The following ARSJ variants were observed in gnomAD, a reference collection of about 807,000 sequenced individuals.
ARSJ encodes arylsulfatase J.
ARSJ carries 26 observed loss-of-function variants against 35.9 expected under a neutral mutation model. That is an observed-to-expected ratio of 0.72 (90% CI 0.53 to 1.00). The LOEUF is 1.00. ARSJ is among the 50% of genes least tolerant of loss of function. ARSJ has a pLI of 0.00. For missense variants in ARSJ, 667 were observed against 723.6 expected (o/e 0.92, Z 0.90); for synonymous variants, 294 against 267.6 (o/e 1.10, Z -0.96).
chr4:113,907,795 G>A (rs1038256983), intron 1 of ARSJ, among the ~76,000 whole-genome samples: 3 of 152,108 alleles, frequency 2.0e-5, no homozygotes, highest in African/African-American at 7.2e-5. Flanking sequence ...CAGTAATATG[G>A]ATGCAGCTGG....
intron 1 of ARSJ, among the ~76,000 whole-genome samples, chr4:113,972,314 AAAAAC>A: frequency 6.7e-6 from 1 of 149,544 alleles, no homozygotes; most frequent in Non-Finnish European, 1.5e-5. Context: ...AAACAAAAAA[AAAAAC>A]CCCACCATGA....
rs2099667070 is a variant in ARSJ at position 113,901,593 on chromosome 4, A to T, written c.*681T>A. 1 of 152,632 alleles carries T rather than the reference A, an allele frequency of 6.6e-6. No individual in the cohort carries two copies. The highest frequency in any genetic ancestry group is 2.4e-5 in the African/African-American group (1 of 41,464). 9.5% of individuals were successfully genotyped at this position (152,632 alleles called of 1,614,324 possible). ...AGTAAAGTGTTTAGAAAATAGTTAC[A>T]TTCATTGTGGGCAGTGTGCTCAAAC... On this transcript the variant is annotated 3_prime_UTR_variant, in exon 2 of 2. Transcript: ENST00000315366.
At chr4:113,943,796 T>C (rs1725308117) in intron 1 of ARSJ, among the ~76,000 whole-genome samples, 1 of 151,896 alleles carries the variant, frequency 6.6e-6, no homozygotes, top group Non-Finnish European at 1.5e-5. Context: ...ATAAGGATCC[T>C]GAGCTGGGAA....
At chr4:113,969,742 A>G (rs1346197404) in intron 1 of ARSJ, among the ~76,000 whole-genome samples, 2 of 152,200 alleles carry the variant, frequency 1.3e-5, no homozygotes, top group African/African-American at 4.8e-5. Flanking sequence ...ATTATATGCT[A>G]TTTCTTCTCA....
At chr4:113,969,756 A>C (rs530432084) in intron 1 of ARSJ, among the ~76,000 whole-genome samples, 14 of 152,332 alleles carry the variant, frequency 9.2e-5, no homozygotes, top group African/African-American at 3.4e-4. Context: ...CTTCTCAATC[A>C]CATTGCCTGC....
chr4:113,938,489 C>A lies in ARSJ; in HGVS notation c.399-34814G>T, dbSNP rs555990407. ...AGGACATAGGCATGGGCAAAGATTT[C>A]ATGATGAAAACATCAAAAACAATTG... On this transcript the variant is annotated intron_variant, in intron 1 of 1. Transcript: ENST00000315366. Among the ~76,000 whole-genome samples, 78 of 152,110 alleles carry A rather than the reference C, an allele frequency of 5.1e-4. 1 individual carries two copies. The highest frequency in any genetic ancestry group is 1.6e-3 in the African/African-American group (65 of 41,536).
At chr4:113,972,088 C>T (rs1477329656) in intron 1 of ARSJ, among the ~76,000 whole-genome samples, 1 of 151,992 alleles carries the variant, frequency 6.6e-6, no homozygotes, top group Non-Finnish European at 1.5e-5. Context: ...CTGGAAGACA[C>T]GTTCCCCTGC....
chr4:113,946,283 T>C (rs1316117439), intron 1 of ARSJ: 1 of 152,064 alleles, frequency 6.6e-6, no homozygotes, highest in East Asian at 1.9e-4. Flanking sequence ...AAATCCTAAA[T>C]GTAGCCCCCA....
chr4:113,915,719 C>T (rs552863413), intron 1 of ARSJ, among the ~76,000 whole-genome samples: 1 of 152,326 alleles, frequency 6.6e-6, no homozygotes, highest in South Asian at 2.1e-4. Flanking sequence ...TCTCCCCACT[C>T]TACCTCTGGA....
intron 1 of ARSJ, chr4:113,943,619 A>G (rs539958932): frequency 1.8e-4 from 28 of 152,166 alleles, no homozygotes; most frequent in African/African-American, 6.7e-4. Context: ...CTATGGGAAA[A>G]AGCAAAATAA....
intron 1 of ARSJ, among the ~76,000 whole-genome samples, chr4:113,914,158 C>T (rs1022762748): frequency 6.6e-6 from 1 of 151,776 alleles, no homozygotes; most frequent in Non-Finnish European, 1.5e-5. Context: ...ATTTTTATTA[C>T]AGACCGGGTT....
At position 113,916,632 on chromosome 4, in the gene ARSJ, C is replaced by T. The variant is rs200301422; in HGVS notation, c.399-12957G>A. ...AAATCAGAACGAAACCAAAGCAAAA[C>T]ATGATACCATTGCTTGGGTCTCATG... On this transcript the variant is annotated intron_variant, in intron 1 of 1. Coordinates refer to ENST00000315366, the MANE Select transcript of ARSJ (RefSeq NM_024590.4). Among the ~76,000 whole-genome samples the T allele has an allele frequency of 3.9e-5, 6 of 152,192 alleles. No homozygotes were observed. The East Asian group carries it at 9.6e-4, about 24-fold the overall frequency.
chr4:113,935,020 C>A (rs888255941), intron 1 of ARSJ, among the ~76,000 whole-genome samples: 3 of 151,702 alleles, frequency 2.0e-5, no homozygotes, highest in African/African-American at 7.3e-5. Flanking sequence ...CCGATTTAGC[C>A]TAAAGTATAT....
chr4:113,936,277 C>T (rs973280304), intron 1 of ARSJ, among the ~76,000 whole-genome samples: 1 of 151,842 alleles, frequency 6.6e-6, no homozygotes, highest in South Asian at 2.1e-4. Flanking sequence ...CCTTGAAAAA[C>T]AGACTCATCA....
chr4:113,939,998 C>G (rs1415515455), intron 1 of ARSJ, among the ~76,000 whole-genome samples: 2 of 152,066 alleles, frequency 1.3e-5, no homozygotes, highest in Non-Finnish European at 2.9e-5. Flanking sequence ...ACAACAGATG[C>G]TGGCGAGGCT....
At chr4:113,974,054 T>G (rs184882584) in intron 1 of ARSJ, among the ~76,000 whole-genome samples, 1 of 152,294 alleles carries the variant, frequency 6.6e-6, no homozygotes, top group African/African-American at 2.4e-5. Flanking sequence ...GTATGGTCTT[T>G]TTAATAAACA....
At chr4:113,958,748 T>C (rs1294393598) in intron 1 of ARSJ, among the ~76,000 whole-genome samples, 1 of 152,046 alleles carries the variant, frequency 6.6e-6, no homozygotes, top group Non-Finnish European at 1.5e-5. Context: ...AAGAGGGTGA[T>C]TGTGGTATAA....
intron 1 of ARSJ, among the ~76,000 whole-genome samples, chr4:113,955,540 G>A (rs1726124774): frequency 6.6e-6 from 1 of 151,990 alleles, no homozygotes; most frequent in South Asian, 2.1e-4. Flanking sequence ...CTATTAGGAT[G>A]CAGTCGGACT....
rs138274961 is a variant in ARSJ, at chr4:113,972,580, A to T, written c.398+5857T>A. On this transcript the variant is annotated intron_variant, in intron 1 of 1. Transcript: ENST00000315366. ...GCTAGAGTGCGGTGGCCCAATCATA[A>T]CTCTTTGCAGCCTCAAATTCCTGTG... Among the ~76,000 whole-genome samples the T allele has an allele frequency of 1.1e-3, 172 of 151,940 alleles. 1 individual carries two copies. Among genetic ancestry groups the T allele is most frequent in the African/African-American group, 4.1e-3 (168 of 41,440 alleles).
Sources: gnomAD v4.1 joint callset for allele counts (sites outside exome capture counted in the v4.1 genomes callset) on GRCh38, gnomAD v4.1.1 for gene constraint, MANE v1.5 for transcripts, NCBI Gene and HGNC (gene_info 2026-07-23, HGNC 2026-07-21) for gene names.